The following RNF213 variants were observed in gnomAD, a reference collection of about 807,000 sequenced individuals.
The protein encoded by RNF213 is ring finger protein 213, also known as E3 ubiquitin-protein ligase RNF213.
Under a neutral mutation model 514.4 loss-of-function variants are expected in RNF213, and 341 were observed. That is an observed-to-expected ratio of 0.66 (90% CI 0.61 to 0.73). RNF213 has a LOEUF of 0.73. RNF213 is among the 30% of genes least tolerant of loss of function. The pLI, the probability that RNF213 is intolerant of heterozygous loss-of-function variation, is 0.00. For missense variants in RNF213, 5,767 were observed against 6,615.6 expected (o/e 0.87, Z 4.45); for synonymous variants, 2,655 against 2,658.2 (o/e 1.00, Z 0.04).
At chr17:80,261,942 G>A (rs972647543) in intron 1 of RNF213, among the ~76,000 whole-genome samples, 1 of 152,220 alleles carries the variant, frequency 6.6e-6, no homozygotes, top group African/African-American at 2.4e-5. Flanking sequence ...GCTAGAGCCC[G>A]GGAGGCGGAG....
At chr17:80,304,472 C>G (rs908854265) in intron 11 of RNF213, among the ~76,000 whole-genome samples, 1 of 152,018 alleles carries the variant, frequency 6.6e-6, no homozygotes, top group Non-Finnish European at 1.5e-5. Context: ...AACCCCATCT[C>G]TACTAAAAAT....
At chr17:80,384,024 A>G in intron 59 of RNF213, 96 bp downstream of exon 59, 1 of 1,456,598 alleles carries the variant, frequency 6.9e-7, no homozygotes, top group Non-Finnish European at 9.6e-7. Context: ...AATCATTCTT[A>G]ACAGACTATT....
Position 80,298,312 on chromosome 17 carries a change from C to G in RNF213, c.2013-9C>G. On this transcript the variant is annotated splice_polypyrimidine_tract_variant and intron_variant, in intron 10 of 67. Coordinates refer to ENST00000582970, the MANE Select transcript of RNF213 (RefSeq NM_001256071.3). ...CTCAGCTCACTGCGGGATCTTTATT[C>G]CCTTCCAGCTGGCGGCTGTACCTGG... 1 of 1,613,968 alleles carries G rather than the reference C, an allele frequency of 6.2e-7. No individual in the cohort carries two copies. The highest frequency in any genetic ancestry group is 8.5e-7 in the Non-Finnish European group (1 of 1,179,966).
chr17:80,284,998 A>C (rs760326590), intron 3 of RNF213, among the ~76,000 whole-genome samples: 11 of 152,154 alleles, frequency 7.2e-5, no homozygotes, highest in Non-Finnish European at 1.5e-4. Context: ...GGCTGATGTT[A>C]CTCAAACCAT....
rs1012197454 is a variant in RNF213, at chr17:80,339,146, C to T, written c.4834-55C>T. 7 of 1,381,250 alleles carry T rather than the reference C, an allele frequency of 5.1e-6. No homozygotes were observed. In the Admixed American group the frequency reaches 1.1e-4, roughly 22 times the overall value. 85.6% of individuals were successfully genotyped at this position (1,381,250 alleles called of 1,614,324 possible). A position where few individuals can be genotyped will look rare whatever the true frequency, so the allele number is the denominator to read the frequency against. ...AGGCCTGTGTGCTGTTGCAGAGTAG[C>T]GTGTTACCCTCTCGCATGGCTCTGT... On this transcript the variant is annotated intron_variant, in intron 25 of 67. Coordinates refer to ENST00000582970, the MANE Select transcript of RNF213 (RefSeq NM_001256071.3).
At chr17:80,294,281 C>T (rs888319414) in intron 8 of RNF213, among the ~76,000 whole-genome samples, 4 of 152,192 alleles carry the variant, frequency 2.6e-5, no homozygotes, top group South Asian at 2.1e-4. Context: ...GGCTGTGTCC[C>T]GTTCCTAGTA....
chr17:80,275,571 A>G (rs925846599), intron 3 of RNF213, among the ~76,000 whole-genome samples: 4 of 152,182 alleles, frequency 2.6e-5, no homozygotes, highest in Admixed American at 6.5e-5. Flanking sequence ...AGAAGACCTC[A>G]GTGCAGGCTG....
At chr17:80,387,386 G>A (rs1277865148) in intron 63 of RNF213, among the ~76,000 whole-genome samples, 1 of 152,190 alleles carries the variant, frequency 6.6e-6, no homozygotes, top group Non-Finnish European at 1.5e-5. Context: ...GATTATAGGC[G>A]TGAGCCACTG....
chr17:80,363,388 T>C (rs911102045), intron 40 of RNF213, 74 bp downstream of exon 40: 32 of 1,470,116 alleles, frequency 2.2e-5, no homozygotes, highest in Admixed American at 3.4e-5. Flanking sequence ...GGAGAGCTTC[T>C]GGGGCTGTGT....
intron 11 of RNF213, among the ~76,000 whole-genome samples, chr17:80,303,654 C>G (rs185210870): frequency 6.6e-6 from 1 of 151,010 alleles, no homozygotes; most frequent in Admixed American, 6.6e-5. Flanking sequence ...ACCTTCGCCT[C>G]CCAGGTTCAA....
Position 80,345,334 on chromosome 17 carries a change from C to G in RNF213, c.6999C>G (p.Ile2333Met). The part of the protein sequence containing the change: ...QPNINGSVDA[I>M]SHLTGKVIKR... The stretch of plus-strand genomic sequence containing the variant: ...ACATCAACGGCAGTGTCGATGCCAT[C>G]AGTCACTTGACTGGGAAGGTCATCA... Residue 2333 changes from isoleucine to methionine, a missense_variant, in exon 29 of 68, where the codon ATC becomes ATG. Transcript: ENST00000582970. The surrounding 1 kb of genome is among the most constrained non-coding windows in gnomAD (Gnocchi z 6.0). The G allele has an allele frequency of 6.2e-7, 1 of 1,614,124 alleles. No homozygotes were observed. Among genetic ancestry groups the G allele is most frequent in the Non-Finnish European group, 8.5e-7 (1 of 1,180,032 alleles).
chr17:80,372,569 A>T lies in RNF213; in HGVS notation c.12586A>T (p.Asn4196Tyr), dbSNP rs1339573700. 3 of 1,613,888 alleles carry T rather than the reference A, an allele frequency of 1.9e-6. No homozygotes were observed. In the South Asian group the frequency reaches 3.3e-5, roughly 18 times the overall value. Residue 4196 changes from asparagine to tyrosine, a missense_variant, in exon 48 of 68, where the codon AAC becomes TAC. Asn to Tyr is a moderately radical substitution (Grantham distance 143). This residue lies in a region of RNF213 where 1,245 missense variants were observed against 1,339.0 expected (regional missense o/e 0.93). Transcript: ENST00000582970. ...TSAYSRNDEL[N>Y]HLEEEGRFLK... ...TGCTTACTCCAGAAATGATGAACTG[A>T]ACCACCTAGAAGAGGAAGGTCGTTT...
chr17:80,287,809 G>A lies in RNF213; in HGVS notation c.262-6G>A, dbSNP rs2044527235. Reference sequence around the variant, plus strand: ...AAATAAAGTGAGTGTCTCTCTTTCTGTTTAGAGCAAAAAGAAGAAAAGGAA... The same window carrying A: ...AAATAAAGTGAGTGTCTCTCTTTCTATTTAGAGCAAAAAGAAGAAAAGGAA... On this transcript the variant is annotated splice_region_variant and splice_polypyrimidine_tract_variant and intron_variant, in intron 3 of 67. Transcript: ENST00000582970. The A allele has an allele frequency of 6.2e-7, 1 of 1,613,636 alleles. No homozygotes were observed. The highest frequency in any genetic ancestry group is 8.5e-7 in the Non-Finnish European group (1 of 1,179,734).
chr17:80,385,684 C>T lies in RNF213; in HGVS notation c.14539+63C>T, dbSNP rs528037355. 258 of 1,417,426 alleles carry T rather than the reference C, an allele frequency of 1.8e-4. 2 individuals are homozygous for T. In the South Asian group the frequency reaches 2.9e-3, roughly 16 times the overall value. 87.8% of individuals were successfully genotyped at this position (1,417,426 alleles called of 1,614,324 possible). A position where few individuals can be genotyped will look rare whatever the true frequency, so the allele number is the denominator to read the frequency against. ...GAGAGCCTCGTCTGAAAGCTCTTCT[C>T]GTCAGCCTGACTCGGCCCATCCCTG... is the stretch of plus-strand genomic sequence containing the variant. On this transcript the variant is annotated intron_variant, in intron 61 of 67. Transcript: ENST00000582970.
intron 2 of RNF213, among the ~76,000 whole-genome samples, chr17:80,270,195 T>A (rs2043772389): frequency 6.6e-6 from 1 of 152,216 alleles, no homozygotes; most frequent in Non-Finnish European, 1.5e-5. Flanking sequence ...AGGCCTCTAG[T>A]GGAGGACGGA....
chr17:80,343,435 C>G lies in RNF213; in HGVS notation c.6183+110C>G, dbSNP rs2078219678. ...AATTCCTTGTTTCCACACGCACAGT[C>G]CTGTGAAGCTTAACAGTGGGAATGT... On this transcript the variant is annotated intron_variant, in intron 27 of 67. Coordinates refer to ENST00000582970, the MANE Select transcript of RNF213 (RefSeq NM_001256071.3). This position sits in a 1 kb window ranked among gnomAD's most constrained non-coding sequence, Gnocchi z 4.3. The G allele has an allele frequency of 1.0e-6, 1 of 977,540 alleles. No homozygotes were observed. Among genetic ancestry groups the G allele is most frequent in the Non-Finnish European group, 1.6e-6 (1 of 631,396 alleles). The allele number at this position is 977,540 out of a possible 1,614,324, so 60.6% of individuals were successfully genotyped here. A position where few individuals can be genotyped will look rare whatever the true frequency, so the allele number is the denominator to read the frequency against.
In RNF213 at chr17:80,339,830, C is replaced by T. The variant is rs1344267929; in HGVS notation, c.5463C>T (p.Leu1821=). ...GTGGGTCTCCCGTGGAGCGTTGTCT[C>T]CCGAGAGGTCTGCAGGTCGGCCAGC... is the stretch of plus-strand genomic sequence containing the variant. ...GMGGSPVERC[L]PRGLQVGQPN... is the part of the protein sequence containing the mutation. The change falls in exon 26 of 68, where the codon CTC becomes CTT. Residue 1821 remains leucine, a synonymous_variant. Coordinates refer to ENST00000582970, the MANE Select transcript of RNF213 (RefSeq NM_001256071.3). The T allele has an allele frequency of 6.5e-7, 1 of 1,535,744 alleles. No homozygotes were observed. Among genetic ancestry groups the T allele is most frequent in the Non-Finnish European group, 8.7e-7 (1 of 1,145,848 alleles).
intron 13 of RNF213, among the ~76,000 whole-genome samples, chr17:80,308,476 GCCT>G (rs1473479354): frequency 1.3e-5 from 2 of 150,266 alleles, no homozygotes; most frequent in Non-Finnish European, 3.0e-5. Flanking sequence ...TCCCTCCTAA[GCCT>G]CCTCCTAAGT....
intron 42 of RNF213, chr17:80,365,350 G>C (rs1390698112): frequency 6.6e-6 from 1 of 152,506 alleles, no homozygotes; most frequent in Non-Finnish European, 1.5e-5. Context: ...AGTATCAGCT[G>C]ATTTCCCACC....
Sources: gnomAD v4.1 joint callset for allele counts (sites outside exome capture counted in the v4.1 genomes callset) on GRCh38, gnomAD v4.1.1 for gene constraint, gnomAD v4.1.1 regional missense constraint, Gnocchi (gnomAD v3.1) non-coding constraint, MANE v1.5 for transcripts, NCBI Gene and HGNC (gene_info 2026-07-23, HGNC 2026-07-21) for gene names.